Variants in HSPB1 observed in about 807,000 individuals in gnomAD.
HSPB1 encodes heat shock protein beta-1.
HSPB1 carries 19 observed loss-of-function variants against 17.0 expected under a neutral mutation model. The observed-to-expected ratio is 1.12, with a 90% confidence interval of 0.78 to 1.64. HSPB1 has a LOEUF of 1.64. Ranked by LOEUF, HSPB1 falls within the 40% of genes most tolerant of loss-of-function variation. HSPB1 has a pLI of 0.00. For missense variants in HSPB1, 348 were observed against 289.2 expected (o/e 1.20, Z -1.47); for synonymous variants, 165 against 129.8 (o/e 1.27, Z -1.84).
rs765618662 is a variant in HSPB1, at chr7:76,303,838, T to G, written c.401T>G (p.Ile134Ser). The change falls in exon 2 of 3, where the codon ATC becomes AGC. Residue 134 changes from isoleucine (I) to serine (S), a missense_variant. By Grantham distance (142) the Ile-to-Ser change is moderately radical (BLOSUM62 -2). Transcript: ENST00000248553. ...GAGCGGCAGGACGAGCATGGCTACA[T>G]CTCCCGGTGCTTCACGCGGAAATAC... ...HEERQDEHGY[I>S]SRCFTRKYTL... 2 of 1,592,870 alleles carry G rather than the reference T, an allele frequency of 1.3e-6. No individual in the cohort carries two copies. Among genetic ancestry groups the G allele is most frequent in the African/African-American group, 1.4e-5 (1 of 71,832 alleles).
intron 1 of HSPB1, chr7:76,303,542 C>G (rs753589024): frequency 1.7e-6 from 1 of 583,184 alleles, no homozygotes. Flanking sequence ...GGCGTGTGCG[C>G]GGCTCCAAGT....
Position 76,303,971 on chromosome 7 carries a change from T to G in HSPB1, c.429-13T>G. 6.2e-7 allele frequency: 1 copy of G among 1,613,466 alleles called. No individual in the cohort carries two copies. Among genetic ancestry groups the G allele is most frequent in the Non-Finnish European group, 8.5e-7 (1 of 1,179,908 alleles). On this transcript the variant is annotated splice_polypyrimidine_tract_variant and intron_variant, in intron 2 of 2. Coordinates refer to ENST00000248553, the MANE Select transcript of HSPB1 (RefSeq NM_001540.5). ...TGTAATGTAACGCTTGCCTTTCCTCTCTGCACGTCCAGGCTGCCCCCCGGT... is the reference window on the plus strand; with the variant it reads ...TGTAATGTAACGCTTGCCTTTCCTCGCTGCACGTCCAGGCTGCCCCCCGGT...
rs758474863 is a variant in HSPB1 at position 76,303,683 on chromosome 7, G to A, written c.365-119G>A. ...CACGCCCCCATCCCCAACCCCCTCT[G>A]TTAATCCCTACCAGCCTGCAGTCCT... On this transcript the variant is annotated intron_variant, in intron 1 of 2. Transcript: ENST00000248553. 55 of 767,230 alleles carry A rather than the reference G, an allele frequency of 7.2e-5. 1 individual carries two copies. Among genetic ancestry groups the A allele is most frequent in the Admixed American group, 1.4e-4 (7 of 49,924 alleles). The allele number at this position is 767,230 out of a possible 1,614,324, so 47.5% of individuals were successfully genotyped here. A position where few individuals can be genotyped will look rare whatever the true frequency, so the allele number is the denominator to read the frequency against.
chr7:76,304,225 C>T lies in HSPB1; in HGVS notation c.*52C>T, dbSNP rs776104967. The stretch of plus-strand genomic sequence containing the variant: ...CTGCCGCCACTGGCTGTGCCTCCCC[C>T]GCCACCTGTGTGTTCTTTTGATACA... On this transcript the variant is annotated 3_prime_UTR_variant, in exon 3 of 3. Coordinates refer to ENST00000248553, the MANE Select transcript of HSPB1 (RefSeq NM_001540.5). 7.1e-5 allele frequency: 106 copies of T among 1,492,230 alleles called. 1 individual carries two copies. The highest frequency in any genetic ancestry group is 1.7e-4 in the Middle Eastern group (1 of 5,858). The allele number at this position is 1,492,230 out of a possible 1,614,324, so 92.4% of individuals were successfully genotyped here.
rs755233365 is a variant in HSPB1 at position 76,303,806 on chromosome 7, G to C, written c.369G>C (p.Lys123Asn). Reference protein sequence around the residue: ...TKDGVVEITGKHEERQDEHGY... With the variant: ...TKDGVVEITGNHEERQDEHGY... ...ATTTCCCTCTTCCCCCCAAAGGCAA[G>C]CACGAGGAGCGGCAGGACGAGCATG... The change falls in exon 2 of 3, where the codon AAG (lysine) becomes AAC (asparagine). Residue 123 changes from lysine to asparagine, a missense_variant. Coordinates refer to ENST00000248553, the MANE Select transcript of HSPB1 (RefSeq NM_001540.5). The C allele has an allele frequency of 3.4e-5, 54 of 1,608,226 alleles. No individual in the cohort carries two copies. Among genetic ancestry groups the C allele is most frequent in the Non-Finnish European group, 4.6e-5 (54 of 1,178,598 alleles).
intron 1 of HSPB1, 80 bp downstream of exon 1, chr7:76,303,156 G>A (rs1259808981): frequency 2.0e-6 from 3 of 1,464,342 alleles, no homozygotes; most frequent in Admixed American, 4.5e-5. Context: ...TGAAACGGGG[G>A]TCCCGGGGGC....
chr7:76,303,521 G>C (rs932724024), intron 1 of HSPB1: 17 of 568,720 alleles, frequency 3.0e-5, no homozygotes, highest in Non-Finnish European at 4.7e-5. Flanking sequence ...CCAGTTTCTA[G>C]CCGCTGAGTG....
Position 76,303,537 on chromosome 7 carries a change from G to T in HSPB1, c.365-265G>T. 5.2e-6 allele frequency: 3 copies of T among 582,324 alleles called. No homozygotes were observed. In the South Asian group the frequency reaches 6.2e-5, roughly 12 times the overall value. The allele number at this position is 582,324 out of a possible 1,614,324, so 36.1% of individuals were successfully genotyped here. ...CAGTTTCTAGCCGCTGAGTGGGCGT[G>T]TGCGCGGCTCCAAGTGCGCCTGCGT... On this transcript the variant is annotated intron_variant, in intron 1 of 2. Coordinates refer to ENST00000248553, the MANE Select transcript of HSPB1 (RefSeq NM_001540.5).
In HSPB1 at chr7:76,302,676, C is replaced by A. The variant is rs769269684; in HGVS notation, c.-37C>A. The A allele has an allele frequency of 6.3e-6, 10 of 1,597,754 alleles. No homozygotes were observed. In the East Asian group the frequency reaches 8.9e-5, roughly 14 times the overall value. ...GCGCAGCCGAGCCCAGCGCCCCGCA[C>A]TTTTCTGAGCAGACGTCCAGAGCAG... On this transcript the variant is annotated 5_prime_UTR_variant, in exon 1 of 3. Transcript: ENST00000248553.
At chr7:76,303,943 G>A (rs1458136741) in intron 2 of HSPB1, 41 bp from the exon 3 acceptor site, 5 of 1,611,974 alleles carry the variant, frequency 3.1e-6, no homozygotes, top group African/African-American at 1.3e-5. Flanking sequence ...GACCCACCCG[G>A]TGTGTAATGT....
chr7:76,303,431 A>G (rs535564105), intron 1 of HSPB1: 47 of 479,114 alleles, frequency 9.8e-5, no homozygotes, highest in Non-Finnish European at 1.4e-4. Flanking sequence ...CGATGAAGAG[A>G]GAAAATGCGC....
Position 76,302,766 on chromosome 7 carries a change from C to A in HSPB1, c.54C>A (p.Pro18=). ...FSLLRGPSWD[P]FRDWYPHSRL... is the part of the protein sequence containing the mutation. ...TCCTGCGGGGCCCCAGCTGGGACCC[C>A]TTCCGCGACTGGTACCCGCATAGCC... Residue 18 remains proline (P), a synonymous_variant, in exon 1 of 3, where the codon CCC becomes CCA. Coordinates refer to ENST00000248553, the MANE Select transcript of HSPB1 (RefSeq NM_001540.5). 1 of 1,607,578 alleles carries A rather than the reference C, an allele frequency of 6.2e-7. No individual in the cohort carries two copies. Among genetic ancestry groups the A allele is most frequent in the South Asian group, 1.1e-5 (1 of 90,984 alleles).
chr7:76,303,786 C>G lies in HSPB1; in HGVS notation c.365-16C>G. On this transcript the variant is annotated splice_polypyrimidine_tract_variant and intron_variant, in intron 1 of 2. Coordinates refer to ENST00000248553, the MANE Select transcript of HSPB1 (RefSeq NM_001540.5). ...GTCCCCTCCCCCGCAGTCTGATTTCCCTCTTCCCCCCAAAGGCAAGCACGA... is the reference window on the plus strand; with the variant it reads ...GTCCCCTCCCCCGCAGTCTGATTTCGCTCTTCCCCCCAAAGGCAAGCACGA... The G allele has an allele frequency of 6.2e-7, 1 of 1,609,958 alleles. No homozygotes were observed. The highest frequency in any genetic ancestry group is 8.5e-7 in the Non-Finnish European group (1 of 1,179,152).
intron 1 of HSPB1, 42 bp from the exon 2 acceptor site, chr7:76,303,760 A>C: frequency 6.3e-7 from 1 of 1,579,590 alleles, no homozygotes; most frequent in Non-Finnish European, 8.7e-7. Context: ...GCCGAAAGGC[A>C]GTCCCCTCCC....
chr7:76,303,801 G>C lies in HSPB1; in HGVS notation c.365-1G>C. 1 of 1,610,742 alleles carries C rather than the reference G, an allele frequency of 6.2e-7. No individual in the cohort carries two copies. The highest frequency in any genetic ancestry group is 8.5e-7 in the Non-Finnish European group (1 of 1,179,742). ...GTCTGATTTCCCTCTTCCCCCCAAAGGCAAGCACGAGGAGCGGCAGGACGA... is the reference window on the plus strand; with the variant it reads ...GTCTGATTTCCCTCTTCCCCCCAAACGCAAGCACGAGGAGCGGCAGGACGA... On this transcript the variant is annotated splice_acceptor_variant, in intron 1 of 2. Transcript: ENST00000248553. LOFTEE classifies it high-confidence loss of function.
chr7:76,303,609 T>G (rs541938861), intron 1 of HSPB1, 193 bp from the exon 2 acceptor site: 1 of 634,398 alleles, frequency 1.6e-6, no homozygotes, highest in African/African-American at 1.8e-5. Context: ...CTCCCAAAAC[T>G]CTGAATCGAA....
chr7:76,303,778 C>T, intron 1 of HSPB1, 24 bp from the exon 2 acceptor site: 2 of 1,609,268 alleles, frequency 1.2e-6, no homozygotes, highest in Non-Finnish European at 1.7e-6. Context: ...CCCCCGCAGT[C>T]TGATTTCCCT....
intron 1 of HSPB1, chr7:76,303,349 GAGA>G (rs1803039387): frequency 2.0e-6 from 1 of 507,126 alleles, no homozygotes; most frequent in Non-Finnish European, 3.5e-6. Flanking sequence ...GCAACATAGC[GAGA>G]CGCGCCCCCC....
Position 76,304,274 on chromosome 7 carries a change from A to ATT in HSPB1, c.*101_*102insTT, listed in dbSNP as rs1476304756. On this transcript the variant is annotated 3_prime_UTR_variant, in exon 3 of 3. Transcript: ENST00000248553. ...CATTTATCTTCTGTTTTTCTCAAATAAAGTTCAAAGCAACCACCTGTCACT... is the reference window on the plus strand; with the variant it reads ...CATTTATCTTCTGTTTTTCTCAAATATTAAGTTCAAAGCAACCACCTGTCACT... 2 of 1,242,678 alleles carry ATT rather than the reference A, an allele frequency of 1.6e-6. No individual in the cohort carries two copies. The highest frequency in any genetic ancestry group is 4.0e-5 in the Admixed American group (2 of 50,548). 77.0% of individuals were successfully genotyped at this position (1,242,678 alleles called of 1,614,324 possible).
Sources: allele counts gnomAD v4.1 joint callset, GRCh38; gene constraint gnomAD v4.1.1; transcripts MANE v1.5; gene names NCBI Gene and HGNC (gene_info 2026-07-23, HGNC 2026-07-21).